CNTLN: variants seen among roughly 807,000 people sequenced by gnomAD.
CNTLN encodes centlein, centrosomal protein.
Under a neutral mutation model 180.0 loss-of-function variants are expected in CNTLN, and 212 were observed. The observed-to-expected ratio is 1.18, with a 90% confidence interval of 1.05 to 1.32. The LOEUF (loss-of-function observed/expected upper bound fraction) is 1.32. Among genes scored for constraint, CNTLN ranks in the 40% most tolerant of loss-of-function variants. The pLI, the probability that CNTLN is intolerant of heterozygous loss-of-function variation, is 0.00. For synonymous variants in CNTLN, 722 were observed against 563.1 expected (o/e 1.28, Z -3.99); for missense variants, 2,095 against 1,610.9 (o/e 1.30, Z -5.14).
At chr9:17,468,487 A>G (rs902004323) in intron 23 of CNTLN, among the ~76,000 whole-genome samples, 2 of 151,560 alleles carry the variant, frequency 1.3e-5, no homozygotes, top group African/African-American at 4.8e-5. Context: ...TTTGTTTTAT[A>G]TTCAACTTAG....
chr9:17,475,433 AT>A (rs1401093784), intron 23 of CNTLN, among the ~76,000 whole-genome samples: 1 of 151,104 alleles, frequency 6.6e-6, no homozygotes, highest in Non-Finnish European at 1.5e-5. Context: ...AAAATATTTA[AT>A]TTGTAAAGAA....
chr9:17,305,325 C>T (rs1818633432), intron 7 of CNTLN, among the ~76,000 whole-genome samples: 1 of 152,132 alleles, frequency 6.6e-6, no homozygotes, highest in South Asian at 2.1e-4. Flanking sequence ...TTTTTATAGG[C>T]CAGAATCTTA....
intron 8 of CNTLN, among the ~76,000 whole-genome samples, chr9:17,321,251 G>A (rs77549048): frequency 0.019 from 2,889 of 152,246 alleles, 92 homozygotes; most frequent in African/African-American, 0.066. Context: ...TCTAGACCTT[G>A]TAGATTCAGT....
At chr9:17,267,352 T>C (rs1255263664) in intron 5 of CNTLN, among the ~76,000 whole-genome samples, 1 of 152,194 alleles carries the variant, frequency 6.6e-6, no homozygotes, top group Non-Finnish European at 1.5e-5. Context: ...TTTTTAAGAA[T>C]GTTGAATATA....
At chr9:17,466,517 T>A (rs1369668502) in intron 22 of CNTLN, among the ~76,000 whole-genome samples, 189 bp from the exon 23 acceptor site, 7 of 151,504 alleles carry the variant, frequency 4.6e-5, no homozygotes, top group Admixed American at 4.6e-4. Context: ...CTAATTTAGA[T>A]GATAAGTATA....
chr9:17,480,324 A>G (rs1195536627), intron 23 of CNTLN, among the ~76,000 whole-genome samples: 1 of 150,154 alleles, frequency 6.7e-6, no homozygotes, highest in Admixed American at 6.7e-5. Context: ...GAAAAAGAAG[A>G]TATAGCAATA....
At chr9:17,440,340 G>A (rs1192176100) in intron 18 of CNTLN, among the ~76,000 whole-genome samples, 1 of 151,174 alleles carries the variant, frequency 6.6e-6, no homozygotes, top group Non-Finnish European at 1.5e-5. Flanking sequence ...TTGGGAGGCC[G>A]AGGCGGGTGG....
Position 17,393,288 on chromosome 9 carries a change from T to C in CNTLN, c.2080-1246T>C, listed in dbSNP as rs1826250164. Among the ~76,000 whole-genome samples the C allele has an allele frequency of 2.0e-5, 3 of 152,172 alleles. 1 individual carries two copies. The South Asian group carries it at 6.2e-4, about 32-fold the overall frequency. On this transcript the variant is annotated intron_variant, in intron 14 of 25. Transcript: ENST00000380647. ...GTGAACAGGTTTCAACATATGAATT[T>C]TGTGAGGGACACAAGTATTCAGACC... is the stretch of plus-strand genomic sequence containing the variant.
the CNTLN span, among the ~76,000 whole-genome samples, chr9:17,513,962 G>T: frequency 6.6e-6 from 1 of 152,044 alleles, no homozygotes; most frequent in South Asian, 2.1e-4. Flanking sequence ...CAATTTTAAG[G>T]TAATATATGA....
intron 2 of CNTLN, among the ~76,000 whole-genome samples, chr9:17,166,539 C>T (rs1820080235): frequency 1.3e-5 from 2 of 152,070 alleles, no homozygotes; most frequent in Admixed American, 6.6e-5. Flanking sequence ...TTGCAAGGCA[C>T]ATTATTATGC....
intron 2 of CNTLN, among the ~76,000 whole-genome samples, chr9:17,200,502 C>T (rs1257362796): frequency 1.1e-4 from 16 of 152,058 alleles, no homozygotes; most frequent in Admixed American, 1.0e-3. Flanking sequence ...TTTGACCTCT[C>T]TTATTTCGTT....
intron 20 of CNTLN, 69 bp downstream of exon 20, chr9:17,463,082 C>T (rs1831544638): frequency 6.1e-6 from 5 of 820,784 alleles, no homozygotes; most frequent in Non-Finnish European, 9.8e-6. Flanking sequence ...ATTAAACGTG[C>T]TCCAAGAAAC....
rs564794862 is a variant in CNTLN, at chr9:17,463,240, A to G, written c.3404+227A>G. On this transcript the variant is annotated intron_variant, in intron 20 of 25. Transcript: ENST00000380647. Reference sequence around the variant, plus strand: ...TGAAGTTAAATTTCCGTTATTAAACATATTTAATTTTGAATAAATACAAAT... The same window carrying G: ...TGAAGTTAAATTTCCGTTATTAAACGTATTTAATTTTGAATAAATACAAAT... 2.0e-4 allele frequency among the ~76,000 whole-genome samples: 30 copies of G among 151,792 alleles called. 1 individual carries two copies. In the East Asian group the frequency reaches 5.6e-3, roughly 28 times the overall value.
At chr9:17,410,539 C>T (rs984572) in intron 16 of CNTLN, among the ~76,000 whole-genome samples, 1,812 of 152,196 alleles carry the variant, frequency 0.012, 78 homozygotes, top group East Asian at 0.088. Flanking sequence ...CATCTCAATT[C>T]TAATGTGGCC....
At chr9:17,413,640 A>G (rs186640928) in intron 16 of CNTLN, among the ~76,000 whole-genome samples, 2 of 152,316 alleles carry the variant, frequency 1.3e-5, no homozygotes, top group Admixed American at 1.3e-4. Context: ...GGATATACGG[A>G]TGGCAAATAA....
chr9:17,271,152 A>G (rs571737084), intron 5 of CNTLN, among the ~76,000 whole-genome samples: 2 of 152,056 alleles, frequency 1.3e-5, no homozygotes, highest in African/African-American at 2.4e-5. Flanking sequence ...GGGTTTCACC[A>G]TGTTAGCCTC....
chr9:17,323,761 G>C (rs951662748), intron 8 of CNTLN, among the ~76,000 whole-genome samples: 2 of 152,112 alleles, frequency 1.3e-5, no homozygotes, highest in Non-Finnish European at 2.9e-5. Context: ...CCTTTGACAG[G>C]CCAATTTAAT....
chr9:17,252,426 A>G (rs1333767386), intron 5 of CNTLN, among the ~76,000 whole-genome samples: 1 of 151,474 alleles, frequency 6.6e-6, no homozygotes, highest in Non-Finnish European at 1.5e-5. Flanking sequence ...TGTCCCTTTA[A>G]TAATAGTCAT....
intron 10 of CNTLN, among the ~76,000 whole-genome samples, chr9:17,335,367 A>C (rs952958811): frequency 5.3e-5 from 8 of 152,146 alleles, no homozygotes; most frequent in African/African-American, 1.7e-4. Context: ...AAATACAAAA[A>C]TTAGCTGGGT....
Sources: gnomAD v4.1 joint callset for allele counts (sites outside exome capture counted in the v4.1 genomes callset) on GRCh38, gnomAD v4.1.1 for gene constraint, MANE v1.5 for transcripts, NCBI Gene and HGNC (gene_info 2026-07-23, HGNC 2026-07-21) for gene names.